MAST2: variants seen among roughly 807,000 people sequenced by gnomAD.
MAST2 encodes microtubule associated serine/threonine kinase 2.
MAST2 carries 70 observed loss-of-function variants against 147.4 expected under a neutral mutation model. That is an observed-to-expected ratio of 0.47 (90% CI 0.39 to 0.58). The LOEUF is 0.58. Among genes scored for constraint, MAST2 ranks in the 20% least tolerant of loss-of-function variants. The pLI is 0.00. For synonymous variants in MAST2, 869 were observed against 896.8 expected (o/e 0.97, Z 0.55); for missense variants, 2,080 against 2,302.3 (o/e 0.90, Z 1.98).
chr1:45,936,379 TTG>T (rs1317494757), intron 4 of MAST2, among the ~76,000 whole-genome samples: 1 of 152,190 alleles, frequency 6.6e-6, no homozygotes, highest in Admixed American at 6.5e-5. Context: ...TCTTGCCTAA[TTG>T]CTCTGGCTAG....
chr1:45,905,748 C>T lies in MAST2; in HGVS notation c.500+23353C>T, dbSNP rs369811147. On this transcript the variant is annotated intron_variant, in intron 4 of 28. Transcript: ENST00000361297. ...CTGAGATCGCGCCACTGCACTGCAG[C>T]CTGGGAGACAGAGCAAGACTCTGTC... Among the ~76,000 whole-genome samples, 25 of 151,360 alleles carry T rather than the reference C, an allele frequency of 1.7e-4. 1 individual carries two copies. The South Asian group carries it at 5.3e-3, about 32-fold the overall frequency.
At chr1:46,013,312 T>C (rs1026582396) in intron 10 of MAST2, among the ~76,000 whole-genome samples, 11 of 152,106 alleles carry the variant, frequency 7.2e-5, no homozygotes, top group African/African-American at 2.7e-4. Context: ...CCTAAGATCA[T>C]ACATTTTCAA....
intron 1 of MAST2, among the ~76,000 whole-genome samples, chr1:45,814,295 G>A (rs1369152627): frequency 6.6e-6 from 1 of 152,108 alleles, no homozygotes; most frequent in Non-Finnish European, 1.5e-5. Flanking sequence ...TACCATAGGA[G>A]ATGACAGCTC....
rs1644729807 is a variant in MAST2, at chr1:45,824,427, T to C, written c.178-6T>C. 1.1e-5 allele frequency: 18 copies of C among 1,586,916 alleles called. No homozygotes were observed. Among genetic ancestry groups the C allele is most frequent in the Non-Finnish European group, 1.4e-5 (16 of 1,164,130 alleles). On this transcript the variant is annotated splice_region_variant and splice_polypyrimidine_tract_variant and intron_variant, in intron 1 of 28. Transcript: ENST00000361297. ...GACTCATGTTTTACTCTTTTTCTCT[T>C]TGAAGGATGTAGTAACTGGAGTTAG...
chr1:45,967,503 A>G (rs540006803), intron 5 of MAST2, among the ~76,000 whole-genome samples: 29 of 152,358 alleles, frequency 1.9e-4, no homozygotes, highest in Non-Finnish European at 3.2e-4. Context: ...TCATAACAAA[A>G]TAAGCTAGAG....
chr1:45,907,862 A>G (rs753398874), intron 4 of MAST2, among the ~76,000 whole-genome samples: 35 of 152,194 alleles, frequency 2.3e-4, no homozygotes, highest in Non-Finnish European at 3.4e-4. Context: ...CATAATGCAC[A>G]TCTATATTAA....
chr1:45,962,139 A>G (rs1209842896), intron 5 of MAST2, among the ~76,000 whole-genome samples: 1 of 152,040 alleles, frequency 6.6e-6, no homozygotes, highest in Non-Finnish European at 1.5e-5. Flanking sequence ...CATGGTGTAT[A>G]TGTGCCACAT....
chr1:45,901,595 T>C (rs1316316756), intron 4 of MAST2, among the ~76,000 whole-genome samples: 1 of 152,198 alleles, frequency 6.6e-6, no homozygotes, highest in South Asian at 2.1e-4. Flanking sequence ...TTTCACGATA[T>C]TGATTCTTCC....
chr1:45,998,344 C>T (rs1411219568), intron 6 of MAST2, among the ~76,000 whole-genome samples: 1 of 152,214 alleles, frequency 6.6e-6, no homozygotes, highest in African/African-American at 2.4e-5. Context: ...TTGGTGCATA[C>T]AGAGCCATGC....
chr1:45,926,736 G>T (rs1654429970), intron 4 of MAST2, among the ~76,000 whole-genome samples: 1 of 151,940 alleles, frequency 6.6e-6, no homozygotes, highest in African/African-American at 2.4e-5. Flanking sequence ...GAGTAGGGAA[G>T]GTTTTTTGAT....
At position 45,834,189 on chromosome 1, in the gene MAST2, A is replaced by T. The variant is rs185406532; in HGVS notation, c.468+4608A>T. Among the ~76,000 whole-genome samples the T allele has an allele frequency of 7.9e-5, 12 of 152,228 alleles. No homozygotes were observed. In the East Asian group the frequency reaches 9.6e-4, roughly 12 times the overall value. On this transcript the variant is annotated intron_variant, in intron 3 of 28. Coordinates refer to ENST00000361297, the MANE Select transcript of MAST2 (RefSeq NM_015112.3). The stretch of plus-strand genomic sequence containing the variant: ...AACAGGATTCACATATAATAGGACA[A>T]CTATTTAAAAATAATAAAACATCAC...
chr1:46,006,598 A>G (rs1275047300), intron 8 of MAST2: 1 of 405,268 alleles, frequency 2.5e-6, no homozygotes, highest in Non-Finnish European at 4.1e-6. Flanking sequence ...TTATTTACAA[A>G]AGAAAAAAAA....
At chr1:45,809,055 AGT>A (rs1354353248) in intron 1 of MAST2, among the ~76,000 whole-genome samples, 1 of 152,190 alleles carries the variant, frequency 6.6e-6, no homozygotes. Context: ...CCTAGGGCTT[AGT>A]ATAGTACTTG....
intron 4 of MAST2, among the ~76,000 whole-genome samples, chr1:45,915,462 G>A (rs1557900637): frequency 6.6e-6 from 1 of 152,184 alleles, no homozygotes; most frequent in South Asian, 2.1e-4. Flanking sequence ...AGTAATCCCA[G>A]CACTTTGGGA....
At chr1:45,920,359 C>T (rs1251954146) in intron 4 of MAST2, among the ~76,000 whole-genome samples, 1 of 152,198 alleles carries the variant, frequency 6.6e-6, no homozygotes, top group Non-Finnish European at 1.5e-5. Context: ...ACTCTGTCTT[C>T]TCAACTCAGG....
At chr1:45,917,941 T>G (rs1652834049) in intron 4 of MAST2, among the ~76,000 whole-genome samples, 1 of 152,236 alleles carries the variant, frequency 6.6e-6, no homozygotes, top group Non-Finnish European at 1.5e-5. Context: ...TTCTCCCATT[T>G]CTTTCTGTCT....
intron 5 of MAST2, among the ~76,000 whole-genome samples, chr1:45,962,715 A>G (rs891891518): frequency 1.4e-4 from 21 of 152,078 alleles, no homozygotes; most frequent in African/African-American, 4.1e-4. Flanking sequence ...CTCCCATTCT[A>G]TAGGTTGCCT....
intron 4 of MAST2, among the ~76,000 whole-genome samples, chr1:45,940,718 C>T (rs955613716): frequency 2.0e-5 from 3 of 151,282 alleles, no homozygotes; most frequent in Non-Finnish European, 2.9e-5. Flanking sequence ...CACCCGGGTT[C>T]ACGCCATTCT....
At chr1:45,823,710 C>T (rs1644707007) in intron 1 of MAST2, among the ~76,000 whole-genome samples, 2 of 152,150 alleles carry the variant, frequency 1.3e-5, no homozygotes, top group African/African-American at 4.8e-5. Flanking sequence ...TTTGTTACAG[C>T]TTCCTTCATT....
Sources: allele counts gnomAD v4.1 joint callset (sites outside exome capture counted in the v4.1 genomes callset), GRCh38; gene constraint gnomAD v4.1.1; transcripts MANE v1.5; gene names NCBI Gene and HGNC (gene_info 2026-07-23, HGNC 2026-07-21).